KSR1: variants seen among roughly 807,000 people sequenced by gnomAD.
The protein encoded by KSR1 is kinase suppressor of ras.
A neutral mutation model predicts 92.9 loss-of-function variants in KSR1; 35 were observed. The observed-to-expected ratio is 0.38, with a 90% CI of 0.29 to 0.50. KSR1 has a LOEUF of 0.50. KSR1 is among the 20% of genes least tolerant of loss of function. The pLI is 0.94. For synonymous variants in KSR1, 467 were observed against 472.6 expected, an observed-to-expected ratio of 0.99 and a Z score of 0.15; for missense variants, 972 against 1,158.5, an observed-to-expected ratio of 0.84 and a Z score of 2.34.
At chr17:27,542,466 A>G (rs772547251) in intron 1 of KSR1, among the ~76,000 whole-genome samples, 2 of 152,206 alleles carry the variant, frequency 1.3e-5, no homozygotes. Context: ...AGTCAGGGTT[A>G]GGGTGACAAC....
At chr17:27,536,410 AC>A (rs1489382284) in intron 1 of KSR1, among the ~76,000 whole-genome samples, 5 of 152,220 alleles carry the variant, frequency 3.3e-5, no homozygotes, top group African/African-American at 9.6e-5. Context: ...TCCTTCCTTT[AC>A]ACCCACACTG....
chr17:27,585,549 G>A, intron 4 of KSR1, 108 bp from the exon 5 acceptor site: 1 of 716,994 alleles, frequency 1.4e-6, no homozygotes, highest in South Asian at 1.5e-5. Flanking sequence ...AGGCCTCAGA[G>A]TCCTACGTCC....
At chr17:27,496,199 C>A (rs778734626) in intron 1 of KSR1, among the ~76,000 whole-genome samples, 2 of 152,088 alleles carry the variant, frequency 1.3e-5, no homozygotes, top group Non-Finnish European at 2.9e-5. Flanking sequence ...AGTGAGGCCC[C>A]GGGTGGCGTT....
chr17:27,532,186 T>C lies in KSR1; in HGVS notation c.232-18382T>C, dbSNP rs183920331. ...CATTTCAGACATCTGAAGATGGGTC[T>C]GGTCCTGCTAATAATCCTCACTGGT... On this transcript the variant is annotated intron_variant, in intron 1 of 20. Coordinates refer to ENST00000644974, the MANE Select transcript of KSR1 (RefSeq NM_001394583.1). 1.1e-4 allele frequency among the ~76,000 whole-genome samples: 16 copies of C among 152,368 alleles called. No individual in the cohort carries two copies. In the East Asian group the frequency reaches 2.9e-3, roughly 28 times the overall value.
At chr17:27,545,783 G>C (rs1179094632) in intron 1 of KSR1, among the ~76,000 whole-genome samples, 2 of 152,212 alleles carry the variant, frequency 1.3e-5, no homozygotes, top group African/African-American at 2.4e-5. Flanking sequence ...TGCTTAGCAG[G>C]GGACCGAGTG....
intron 10 of KSR1, among the ~76,000 whole-genome samples, chr17:27,600,306 G>T (rs1260667988): frequency 6.6e-6 from 1 of 151,988 alleles, no homozygotes; most frequent in Admixed American, 6.6e-5. Flanking sequence ...ATGGTGGTGG[G>T]CTGGGTGCCT....
intron 13 of KSR1, among the ~76,000 whole-genome samples, chr17:27,605,058 C>T (rs933290462): frequency 6.6e-6 from 1 of 152,172 alleles, no homozygotes; most frequent in Admixed American, 6.5e-5. Flanking sequence ...TTACTCCTGC[C>T]CAGGGGAGAG....
intron 7 of KSR1, among the ~76,000 whole-genome samples, chr17:27,591,953 C>G (rs746409336): frequency 5.9e-5 from 9 of 152,354 alleles, no homozygotes; most frequent in Non-Finnish European, 1.0e-4. Flanking sequence ...AGGGGCTGCC[C>G]TTTGGGTCCC....
chr17:27,503,954 C>G (rs1319220484), intron 1 of KSR1, among the ~76,000 whole-genome samples: 1 of 152,210 alleles, frequency 6.6e-6, no homozygotes, highest in African/African-American at 2.4e-5. Context: ...ATAGCCTATG[C>G]AATCCTGACA....
chr17:27,533,210 G>A (rs534939766), intron 1 of KSR1, among the ~76,000 whole-genome samples: 8 of 152,128 alleles, frequency 5.3e-5, no homozygotes, highest in Admixed American at 3.3e-4. Flanking sequence ...CTCAGTTTAC[G>A]CCTCTGTACA....
intron 2 of KSR1, among the ~76,000 whole-genome samples, chr17:27,571,174 G>A (rs1043188404): frequency 6.6e-6 from 1 of 152,156 alleles, no homozygotes; most frequent in African/African-American, 2.4e-5. Context: ...TCCCAGGGGT[G>A]GGGTAGTGAG....
chr17:27,573,119 T>G (rs1357749005), intron 2 of KSR1, among the ~76,000 whole-genome samples: 1 of 152,254 alleles, frequency 6.6e-6, no homozygotes, highest in East Asian at 1.9e-4. Flanking sequence ...AGGCATCAGA[T>G]TCTTCCCATG....
chr17:27,624,951 T>C lies in KSR1; in HGVS notation c.*1559T>C, dbSNP rs1158914236. The C allele has an allele frequency of 6.6e-6, 1 of 152,282 alleles. No individual in the cohort carries two copies. The highest frequency in any genetic ancestry group is 2.4e-5 in the African/African-American group (1 of 41,474). The allele number at this position is 152,282 out of a possible 1,614,324, so 9.4% of individuals were successfully genotyped here. A position where few individuals can be genotyped will look rare whatever the true frequency, so the allele number is the denominator to read the frequency against. On this transcript the variant is annotated 3_prime_UTR_variant, in exon 21 of 21. Coordinates refer to ENST00000644974, the MANE Select transcript of KSR1 (RefSeq NM_001394583.1). ...GGCCTGGCATCCCTTGGTCAGCCCC[T>C]CCTGGGAGGGCACAGCCGTATTACA...
intron 1 of KSR1, among the ~76,000 whole-genome samples, chr17:27,507,771 C>T (rs905888799): frequency 1.3e-4 from 19 of 151,750 alleles, no homozygotes; most frequent in African/African-American, 3.6e-4. Context: ...GAAAGGGTTT[C>T]TCCATGTTGG....
Position 27,623,303 on chromosome 17 carries a change from C to T in KSR1, c.2709-11C>T. 1 of 763,776 alleles carries T rather than the reference C, an allele frequency of 1.3e-6. No individual in the cohort carries two copies. Among genetic ancestry groups the T allele is most frequent in the Non-Finnish European group, 2.4e-6 (1 of 417,222 alleles). The allele number at this position is 763,776 out of a possible 1,614,324, so 47.3% of individuals were successfully genotyped here. A position where few individuals can be genotyped will look rare whatever the true frequency, so the allele number is the denominator to read the frequency against. Reference sequence around the variant, plus strand: ...TGGGGCTATAATTCTTGTTTTTGTTCCTCTTTGCAGCATTAACAGCAGCAA... The same window carrying T: ...TGGGGCTATAATTCTTGTTTTTGTTTCTCTTTGCAGCATTAACAGCAGCAA... On this transcript the variant is annotated splice_polypyrimidine_tract_variant and intron_variant, in intron 20 of 20. Transcript: ENST00000644974.
At chr17:27,524,435 AG>A (rs1326508289) in intron 1 of KSR1, among the ~76,000 whole-genome samples, 1 of 152,212 alleles carries the variant, frequency 6.6e-6, no homozygotes, top group Admixed American at 6.5e-5. Flanking sequence ...CTGAAGAGAA[AG>A]TATTTATTAA....
chr17:27,566,308 C>G (rs1280131903), intron 2 of KSR1: 1 of 394,728 alleles, frequency 2.5e-6, no homozygotes, highest in South Asian at 1.4e-4. Context: ...GTGCTGACTC[C>G]CCAGCTCCCA....
chr17:27,520,193 C>T (rs1041473486), intron 1 of KSR1, among the ~76,000 whole-genome samples: 1 of 152,210 alleles, frequency 6.6e-6, no homozygotes, highest in Admixed American at 6.5e-5. Context: ...TGTCCAAGTT[C>T]ATGTAGCAAA....
At chr17:27,500,190 T>C (rs1399786233) in intron 1 of KSR1, among the ~76,000 whole-genome samples, 1 of 152,184 alleles carries the variant, frequency 6.6e-6, no homozygotes, top group Non-Finnish European at 1.5e-5. Context: ...GGAGGTTCCG[T>C]GCAATGCAGT....
Sources: allele counts gnomAD v4.1 joint callset (sites outside exome capture counted in the v4.1 genomes callset), GRCh38; gene constraint gnomAD v4.1.1; transcripts MANE v1.5; gene names NCBI Gene and HGNC (gene_info 2026-07-23, HGNC 2026-07-21).